Variants in BRINP1 observed in about 807,000 individuals in gnomAD.
BRINP1 encodes BMP/retinoic acid inducible neural specific 1.
BRINP1 carries 17 observed loss-of-function variants against 72.9 expected under a neutral mutation model. The observed-to-expected ratio is 0.23, with a 90% CI of 0.16 to 0.35. The LOEUF is 0.35. Ranked by LOEUF, BRINP1 falls within the 10% of genes least tolerant of loss-of-function variation. The pLI, the probability that BRINP1 is intolerant of heterozygous loss-of-function variation, is 1.00. For missense variants in BRINP1, 850 were observed against 1,001.6 expected (o/e 0.85, Z 2.04); for synonymous variants, 418 against 378.5 (o/e 1.10, Z -1.21).
intron 1 of BRINP1, among the ~76,000 whole-genome samples, chr9:119,349,869 C>G (rs926426775): frequency 3.3e-5 from 5 of 152,174 alleles, no homozygotes; most frequent in African/African-American, 1.2e-4. Flanking sequence ...TTATTTTCCT[C>G]TTCCTTCGTA....
chr9:119,334,254 C>A (rs10984491), intron 1 of BRINP1, among the ~76,000 whole-genome samples: 44,995 of 152,138 alleles, frequency 0.3, 8,365 homozygotes, highest in East Asian at 0.6. Flanking sequence ...AGGAAGAGGG[C>A]CAATCATGCC....
At chr9:119,228,755 A>T (rs1384843068) in intron 5 of BRINP1, among the ~76,000 whole-genome samples, 1 of 152,024 alleles carries the variant, frequency 6.6e-6, no homozygotes, top group African/African-American at 2.4e-5. Context: ...GGTTATTATC[A>T]TTGCCTCTTC....
At chr9:119,176,872 C>T (rs540286307) in intron 7 of BRINP1, among the ~76,000 whole-genome samples, 4 of 152,026 alleles carry the variant, frequency 2.6e-5, no homozygotes, top group Admixed American at 6.5e-5. Flanking sequence ...AGTTGCTTAT[C>T]GGCTGGGAAA....
intron 2 of BRINP1, among the ~76,000 whole-genome samples, chr9:119,288,346 T>C (rs1357108241): frequency 7.2e-6 from 1 of 138,124 alleles, no homozygotes; most frequent in East Asian, 2.1e-4. Flanking sequence ...TTTTTTCTTT[T>C]TAAATTTTTT....
chr9:119,281,758 G>A (rs1427695794), intron 2 of BRINP1, among the ~76,000 whole-genome samples: 2 of 152,182 alleles, frequency 1.3e-5, no homozygotes, highest in Non-Finnish European at 2.9e-5. Context: ...GTGTGTGTAT[G>A]TGTATGCAAC....
chr9:119,271,002 A>G (rs1830600278), intron 2 of BRINP1, among the ~76,000 whole-genome samples: 1 of 152,192 alleles, frequency 6.6e-6, no homozygotes, highest in African/African-American at 2.4e-5. Flanking sequence ...AAATTATATT[A>G]CAATATGATA....
intron 7 of BRINP1, among the ~76,000 whole-genome samples, chr9:119,203,096 G>A (rs553927778): frequency 6.6e-6 from 1 of 152,124 alleles, no homozygotes; most frequent in South Asian, 2.1e-4. Context: ...ACCTTGACGA[G>A]CAAACCCTGC....
chr9:119,282,749 A>G (rs959403462), intron 2 of BRINP1: 7 of 963,688 alleles, frequency 7.3e-6, no homozygotes, highest in African/African-American at 5.3e-5. Context: ...TTGTTCCTTT[A>G]TTTTCAAAAA....
At chr9:119,273,839 T>C (rs909396779) in intron 2 of BRINP1, among the ~76,000 whole-genome samples, 2 of 152,230 alleles carry the variant, frequency 1.3e-5, no homozygotes, top group Admixed American at 6.5e-5. Flanking sequence ...AGAGAGGTTA[T>C]GTTCCTTGTC....
chr9:119,359,907 G>C (rs1831611246), intron 1 of BRINP1, among the ~76,000 whole-genome samples: 1 of 152,164 alleles, frequency 6.6e-6, no homozygotes, highest in African/African-American at 2.4e-5. Flanking sequence ...TGACATTTCA[G>C]CCATCTCTAA....
chr9:119,171,683 T>G (rs1829412241), intron 7 of BRINP1, among the ~76,000 whole-genome samples: 1 of 104,572 alleles, frequency 9.6e-6, no homozygotes, highest in Non-Finnish European at 1.9e-5. Context: ...ATATACATTT[T>G]TTTCAGCACC....
At chr9:119,347,817 C>T (rs1831465428) in intron 1 of BRINP1, among the ~76,000 whole-genome samples, 1 of 152,108 alleles carries the variant, frequency 6.6e-6, no homozygotes, top group African/African-American at 2.4e-5. Flanking sequence ...TTTTTTAAGA[C>T]ATTTTTAAGG....
intron 5 of BRINP1, among the ~76,000 whole-genome samples, chr9:119,234,838 T>C (rs1050405639): frequency 4.6e-5 from 7 of 152,178 alleles, no homozygotes; most frequent in Non-Finnish European, 7.4e-5. Flanking sequence ...ACAGACAGAA[T>C]GAATCACTCC....
intron 1 of BRINP1, among the ~76,000 whole-genome samples, chr9:119,326,523 T>C (rs1231730861): frequency 3.9e-5 from 6 of 152,228 alleles, no homozygotes; most frequent in Non-Finnish European, 8.8e-5. Flanking sequence ...AAGTTATGTA[T>C]AGCACTTTTT....
intron 5 of BRINP1, among the ~76,000 whole-genome samples, chr9:119,237,913 G>A (rs749449544): frequency 1.3e-5 from 2 of 152,092 alleles, no homozygotes; most frequent in Non-Finnish European, 2.9e-5. Context: ...ACCCACCTCA[G>A]CCTCCCAAAG....
chr9:119,343,648 A>G (rs2119025913), intron 1 of BRINP1, among the ~76,000 whole-genome samples: 1 of 152,252 alleles, frequency 6.6e-6, no homozygotes, highest in East Asian at 1.9e-4. Flanking sequence ...TAATCAGGTC[A>G]GTAAATCATT....
At position 119,178,153 on chromosome 9, in the gene BRINP1, GATGCAGCCA is replaced by G. The variant is rs959024562; in HGVS notation, c.1146-9938_1146-9930del. ...AGAGTGGGTAGGATAGAGACAAAGA[GATGCAGCCA>G]AGGCATCATCTGTGTTAACTCACTC... On this transcript the variant is annotated intron_variant, in intron 7 of 7. Transcript: ENST00000265922. 2.0e-4 allele frequency among the ~76,000 whole-genome samples: 31 copies of G among 152,272 alleles called. No homozygotes were observed. The East Asian group carries it at 5.6e-3, about 28-fold the overall frequency.
At chr9:119,191,178 T>A (rs879229478) in intron 7 of BRINP1, among the ~76,000 whole-genome samples, 25 of 152,024 alleles carry the variant, frequency 1.6e-4, no homozygotes, top group African/African-American at 5.5e-4. Context: ...GCTAACATCA[T>A]AATCAACAGG....
intron 1 of BRINP1, among the ~76,000 whole-genome samples, chr9:119,355,142 G>A (rs1306413429): frequency 6.6e-6 from 1 of 152,058 alleles, no homozygotes; most frequent in East Asian, 1.9e-4. Context: ...AGAAATATTA[G>A]AAAATACAGG....
Sources: allele counts gnomAD v4.1 joint callset (sites outside exome capture counted in the v4.1 genomes callset), GRCh38; gene constraint gnomAD v4.1.1; transcripts MANE v1.5; gene names NCBI Gene and HGNC (gene_info 2026-07-23, HGNC 2026-07-21).